Variants in RBM20 observed in about 807,000 individuals in gnomAD.
RBM20 encodes the protein RNA binding motif protein 20, also known as RNA-binding protein 20.
Under a neutral mutation model 110.1 loss-of-function variants are expected in RBM20, and 51 were observed. The observed-to-expected ratio is 0.46, with a 90% CI of 0.37 to 0.59. The LOEUF (loss-of-function observed/expected upper bound fraction) is 0.59, where lower values mean the gene tolerates loss of function less well. Among genes scored for constraint, RBM20 ranks in the 20% least tolerant of loss-of-function variants. The probability of loss-of-function intolerance (pLI) is 0.00; values close to 1 mark genes in which losing one functional copy is unlikely to be tolerated. For missense variants in RBM20, 1,512 were observed against 1,574.9 expected, an observed-to-expected ratio of 0.96 and a Z score of 0.68; for synonymous variants, 589 against 618.2, an observed-to-expected ratio of 0.95 and a Z score of 0.70.
intron 1 of RBM20, among the ~76,000 whole-genome samples, chr10:110,754,141 T>A (rs1369477370): frequency 1.3e-5 from 2 of 152,252 alleles, no homozygotes; most frequent in East Asian, 3.8e-4. Flanking sequence ...AGATTTGTCA[T>A]TATTTTCTTT....
At chr10:110,688,226 T>C (rs1044618522) in intron 1 of RBM20, among the ~76,000 whole-genome samples, 2 of 152,162 alleles carry the variant, frequency 1.3e-5, no homozygotes, top group African/African-American at 4.8e-5. Flanking sequence ...TCTTAAAGTT[T>C]TGAGCAAAAG....
chr10:110,809,820 G>T (rs549502346), intron 7 of RBM20, among the ~76,000 whole-genome samples: 252 of 152,318 alleles, frequency 1.7e-3, no homozygotes, highest in African/African-American at 5.7e-3. Context: ...TTCACTATCT[G>T]TGTGACCTTG....
chr10:110,780,353 C>A (rs1167643329), intron 1 of RBM20, among the ~76,000 whole-genome samples: 1 of 152,006 alleles, frequency 6.6e-6, no homozygotes, highest in African/African-American at 2.4e-5. Context: ...TGCATTTGAG[C>A]TCATTTTCTC....
Position 110,839,270 on chromosome 10 carries a change from G to A in RBM20, c.*3292G>A, listed in dbSNP as rs1845174031. 1 of 152,120 alleles carries A rather than the reference G, an allele frequency of 6.6e-6. No homozygotes were observed. Among genetic ancestry groups the A allele is most frequent in the Non-Finnish European group, 1.5e-5 (1 of 68,040 alleles). 9.4% of individuals were successfully genotyped at this position (152,120 alleles called of 1,614,324 possible). A position where few individuals can be genotyped will look rare whatever the true frequency, so the allele number is the denominator to read the frequency against. ...CCTGTTAGATAATTAGATTATACTT[G>A]AACTGGACCAGAGTTTGTTTTTTGA... On this transcript the variant is annotated 3_prime_UTR_variant, in exon 14 of 14. Transcript: ENST00000369519.
intron 1 of RBM20, chr10:110,756,460 G>T (rs1013284716): frequency 6.6e-6 from 1 of 152,272 alleles, no homozygotes. Flanking sequence ...GAGGATGGCT[G>T]TGAAAGTGAT....
Position 110,812,544 on chromosome 10 carries a change from G to A in RBM20, c.2147G>A (p.Arg716Gln), listed in dbSNP as rs375798246. ...GCACATGATCGCAAACACCACCCCC[G>A]GCAACTGGACAAGGCTGAGTTGGAC... ...PWAHDRKHHP[R>Q]QLDKAELDER... is the part of the protein sequence containing the mutation. The change falls in exon 9 of 14, where the codon CGG becomes CAG. Residue 716 changes from arginine to glutamine, a missense_variant. Physicochemically the swap from Arg to Gln is conservative, Grantham distance 43. This residue lies in a region of RBM20 where 1,149 missense variants were observed against 1,169.4 expected (regional missense o/e 0.98). Coordinates refer to ENST00000369519, the MANE Select transcript of RBM20 (RefSeq NM_001134363.3). The A allele has an allele frequency of 2.4e-4, 365 of 1,551,720 alleles. 1 individual carries two copies. Among genetic ancestry groups the A allele is most frequent in the Non-Finnish European group, 3.0e-4 (341 of 1,146,988 alleles).
At position 110,837,403 on chromosome 10, in the gene RBM20, G is replaced by C. The variant is rs1845145842; in HGVS notation, c.*1425G>C. On this transcript the variant is annotated 3_prime_UTR_variant, in exon 14 of 14. Coordinates refer to ENST00000369519, the MANE Select transcript of RBM20 (RefSeq NM_001134363.3). ...CTCGGGCAGTTAAGAAGGGAGCCTG[G>C]AGCTGTTTTCATGAGCAGAGATACT... 1 of 152,168 alleles carries C rather than the reference G, an allele frequency of 6.6e-6. No individual in the cohort carries two copies. Among genetic ancestry groups the C allele is most frequent in the Admixed American group, 6.5e-5 (1 of 15,272 alleles). The allele number at this position is 152,168 out of a possible 1,614,324, so 9.4% of individuals were successfully genotyped here.
At chr10:110,710,650 C>G (rs566777292) in intron 1 of RBM20, among the ~76,000 whole-genome samples, 14 of 152,368 alleles carry the variant, frequency 9.2e-5, no homozygotes, top group African/African-American at 3.4e-4. Context: ...CTCCCCCTTC[C>G]CCTTTGGGGG....
At chr10:110,827,513 A>G (rs1381215066) in intron 12 of RBM20, among the ~76,000 whole-genome samples, 1 of 152,242 alleles carries the variant, frequency 6.6e-6, no homozygotes, top group Non-Finnish European at 1.5e-5. Context: ...TGCAGAAACT[A>G]TGAACACAGT....
intron 13 of RBM20, among the ~76,000 whole-genome samples, chr10:110,833,654 C>T (rs903407764): frequency 1.3e-5 from 2 of 152,186 alleles, no homozygotes; most frequent in Admixed American, 6.5e-5. Context: ...ATGTATGTTT[C>T]CCAGGGCAGT....
chr10:110,675,980 G>T (rs1590610137), intron 1 of RBM20, among the ~76,000 whole-genome samples: 1 of 152,210 alleles, frequency 6.6e-6, no homozygotes. Context: ...ATGAGAAGCA[G>T]TGAGGGTGGA....
In RBM20 at chr10:110,744,270, G is replaced by C. The variant is rs1034572123; in HGVS notation, c.192-36531G>C. Among the ~76,000 whole-genome samples the C allele has an allele frequency of 3.3e-5, 5 of 152,304 alleles. No individual in the cohort carries two copies. The South Asian group carries it at 6.2e-4, about 19-fold the overall frequency. On this transcript the variant is annotated intron_variant, in intron 1 of 13. Coordinates refer to ENST00000369519, the MANE Select transcript of RBM20 (RefSeq NM_001134363.3). The stretch of plus-strand genomic sequence containing the variant: ...CACAGTAGGTTTGCAGGATGCCTGT[G>C]GTTTCTGTCACCCTGATGTGACTCT...
At chr10:110,659,431 A>G (rs10509923) in intron 1 of RBM20, among the ~76,000 whole-genome samples, 33,638 of 152,166 alleles carry the variant, frequency 0.22, 4,662 homozygotes, top group Middle Eastern at 0.34. Context: ...ACAGGTGAAC[A>G]TGCCTTGGTA....
chr10:110,828,398 C>T (rs59755129), intron 12 of RBM20, among the ~76,000 whole-genome samples: 1 of 152,182 alleles, frequency 6.6e-6, no homozygotes, highest in African/African-American at 2.4e-5. Flanking sequence ...TTTCTCCTCC[C>T]CCAGGCTTCT....
At chr10:110,784,245 T>G in intron 3 of RBM20, 96 bp from the exon 4 acceptor site, 1 of 857,420 alleles carries the variant, frequency 1.2e-6, no homozygotes, top group Non-Finnish European at 1.9e-6. Flanking sequence ...TTTCAACTAT[T>G]TGGGGGTCTG....
chr10:110,676,984 T>G (rs1483356483), intron 1 of RBM20, among the ~76,000 whole-genome samples: 1 of 152,242 alleles, frequency 6.6e-6, no homozygotes, highest in Non-Finnish European at 1.5e-5. Context: ...TGTTTTCTGT[T>G]GCTTTTAACA....
intron 5 of RBM20, among the ~76,000 whole-genome samples, chr10:110,786,131 C>A (rs1042401067): frequency 1.3e-5 from 2 of 152,364 alleles, no homozygotes; most frequent in South Asian, 4.1e-4. Flanking sequence ...CCTACACCCC[C>A]ATCTGACCTC....
At chr10:110,740,704 T>G (rs1843716180) in intron 1 of RBM20, among the ~76,000 whole-genome samples, 1 of 152,212 alleles carries the variant, frequency 6.6e-6, no homozygotes, top group African/African-American at 2.4e-5. Flanking sequence ...ACTTGTTTTC[T>G]TCTTACCTTT....
intron 7 of RBM20, among the ~76,000 whole-genome samples, chr10:110,800,368 C>A (rs1844606778): frequency 6.6e-6 from 1 of 152,194 alleles, no homozygotes; most frequent in South Asian, 2.1e-4. Flanking sequence ...TCTAAGCAGC[C>A]CTTGGCTGAA....
Sources: gnomAD v4.1 joint callset for allele counts (sites outside exome capture counted in the v4.1 genomes callset) on GRCh38, gnomAD v4.1.1 for gene constraint, gnomAD v4.1.1 regional missense constraint, MANE v1.5 for transcripts, NCBI Gene and HGNC (gene_info 2026-07-23, HGNC 2026-07-21) for gene names.